The following KIF25 variants were observed in gnomAD, a reference collection of about 807,000 sequenced individuals.
KIF25 encodes kinesin-like protein KIF25.
Under a neutral mutation model 32.9 loss-of-function variants are expected in KIF25, and 19 were observed. The ratio of observed to expected loss-of-function variants is 0.58; its 90% confidence interval spans 0.40 to 0.85. KIF25 has a LOEUF of 0.85. Among genes scored for constraint, KIF25 ranks in the 40% least tolerant of loss-of-function variants. The pLI is 0.00. For missense variants in KIF25, 485 were observed against 507.0 expected (o/e 0.96, Z 0.42); for synonymous variants, 225 against 213.7 (o/e 1.05, Z -0.46).
chr6:168,003,648 GACCTGAGTCT>G lies in KIF25; in HGVS notation c.-215_-206del. 6.6e-6 allele frequency: 1 copy of G among 152,240 alleles called. No homozygotes were observed. The highest frequency in any genetic ancestry group is 1.5e-5 in the Non-Finnish European group (1 of 68,034). The allele number at this position is 152,240 out of a possible 1,614,324, so 9.4% of individuals were successfully genotyped here. On this transcript the variant is annotated 5_prime_UTR_variant, in exon 4 of 13. The change abolishes the stop of an existing upstream ORF in the 5' untranslated region. Coordinates refer to ENST00000643607, the MANE Select transcript of KIF25 (RefSeq NM_030615.4). ...TAGAGAAGCGGCCCATGCTGTTGAT[GACCTGAGTCT>G]ACAAGTTTCCTCACAAATTGTATTC...
At chr6:168,023,803 G>T (rs377427626) in intron 5 of KIF25, among the ~76,000 whole-genome samples, 25 of 152,322 alleles carry the variant, frequency 1.6e-4, no homozygotes, top group African/African-American at 6.0e-4. Context: ...GGAGAGAAAG[G>T]GAGTTGTATC....
At chr6:168,021,508 T>G (rs1192880307) in intron 5 of KIF25, among the ~76,000 whole-genome samples, 1 of 152,262 alleles carries the variant, frequency 6.6e-6, no homozygotes, top group Non-Finnish European at 1.5e-5. Flanking sequence ...CTTTTATATA[T>G]AAAATTTATA....
chr6:168,033,609 A>T (rs73042829), intron 7 of KIF25, among the ~76,000 whole-genome samples: 5,071 of 152,276 alleles, frequency 0.033, 99 homozygotes, highest in Non-Finnish European at 0.049. Flanking sequence ...GGGGAGATGA[A>T]AACACCCAGG....
intron 5 of KIF25, among the ~76,000 whole-genome samples, chr6:168,022,920 C>A (rs749711705): frequency 3.9e-5 from 6 of 151,912 alleles, no homozygotes; most frequent in Non-Finnish European, 7.4e-5. Flanking sequence ...CCTGTGGGCT[C>A]CTTGCATTTG....
intron 6 of KIF25, among the ~76,000 whole-genome samples, 190 bp downstream of exon 6, chr6:168,029,867 A>G (rs1325725452): frequency 7.1e-6 from 1 of 141,398 alleles, no homozygotes; most frequent in African/African-American, 2.5e-5. Context: ...TGCATGTGGA[A>G]CACCTCATAA....
chr6:168,009,681 T>C (rs985938237), intron 4 of KIF25, among the ~76,000 whole-genome samples: 12 of 152,262 alleles, frequency 7.9e-5, no homozygotes, highest in Admixed American at 2.0e-4. Context: ...TGGTCGAATT[T>C]AGTAGTGAAG....
intron 4 of KIF25, among the ~76,000 whole-genome samples, chr6:168,015,861 T>C (rs1355172109): frequency 6.6e-6 from 1 of 152,204 alleles, no homozygotes; most frequent in Non-Finnish European, 1.5e-5. Context: ...AGGCTTGTTT[T>C]TATGGCTTTG....
intron 4 of KIF25, among the ~76,000 whole-genome samples, chr6:168,009,365 C>T (rs1798618063): frequency 6.6e-6 from 1 of 151,728 alleles, no homozygotes; most frequent in Admixed American, 6.6e-5. Context: ...TAGATGTGAC[C>T]CAATTTGTTT....
chr6:168,040,077 C>A lies in KIF25; in HGVS notation c.507C>A (p.Ser169Arg). The A allele has an allele frequency of 1.2e-6, 2 of 1,612,672 alleles. No homozygotes were observed. The highest frequency in any genetic ancestry group is 1.3e-5 in the African/African-American group (1 of 75,018). The change falls in exon 10 of 13, where the codon AGC (serine) becomes AGA (arginine). Residue 169 changes from serine (S) to arginine (R), a missense_variant. Physicochemically the swap from Ser to Arg is moderately radical, Grantham distance 110. Transcript: ENST00000643607. Reference sequence around the variant, plus strand: ...GCCTTGTCTGTAGGGCTGTCGGCAGCGCCTCGAAACTGATGGAGCTCGTTC... The same window carrying A: ...GCCTTGTCTGTAGGGCTGTCGGCAGAGCCTCGAAACTGATGGAGCTCGTTC... ...VALLASEAVG[S>R]ASKLMELVHG...
chr6:168,027,454 C>CAA (rs757678230), intron 5 of KIF25, among the ~76,000 whole-genome samples: 4,144 of 88,362 alleles, frequency 0.047, 197 homozygotes, highest in African/African-American at 0.12. Flanking sequence ...ACTCTGTCTC[C>CAA]AAAAAAAAAA....
At chr6:168,013,314 G>C (rs1002855788) in intron 4 of KIF25, among the ~76,000 whole-genome samples, 1 of 151,862 alleles carries the variant, frequency 6.6e-6, no homozygotes, top group Admixed American at 6.6e-5. Context: ...CAGTGATGGG[G>C]GTTGGTTTCC....
chr6:168,043,696 C>G (rs1799166690), intron 12 of KIF25, among the ~76,000 whole-genome samples: 1 of 152,214 alleles, frequency 6.6e-6, no homozygotes, highest in South Asian at 2.1e-4. Flanking sequence ...GGGCACAGCC[C>G]ACCCGTGATC....
At chr6:168,031,069 TGAGCATATCCACCTG>T (rs1289834493) in intron 7 of KIF25, among the ~76,000 whole-genome samples, 1 of 152,208 alleles carries the variant, frequency 6.6e-6, no homozygotes, top group African/African-American at 2.4e-5. Context: ...GCTTGTTAAA[TGAGCATATCCACCTG>T]GGATTCCAAA....
At chr6:168,021,834 G>A (rs976014027) in intron 5 of KIF25, among the ~76,000 whole-genome samples, 4 of 152,204 alleles carry the variant, frequency 2.6e-5, no homozygotes, top group Non-Finnish European at 5.9e-5. Context: ...ATAGTGCTGG[G>A]ATTTCTTAGC....
At chr6:168,039,922 T>G in intron 9 of KIF25, 143 bp from the exon 10 acceptor site, 1 of 1,030,574 alleles carries the variant, frequency 9.7e-7, no homozygotes, top group Admixed American at 2.7e-5. Context: ...TACCATGATT[T>G]ATTGTGCCTG....
chr6:168,040,285 G>A, intron 10 of KIF25, 69 bp downstream of exon 10: 2 of 1,486,862 alleles, frequency 1.3e-6, no homozygotes, highest in East Asian at 2.4e-5. Context: ...AAAAAATCAG[G>A]CCAGGCACAG....
intron 5 of KIF25, among the ~76,000 whole-genome samples, chr6:168,028,339 C>G (rs1245490484): frequency 6.6e-6 from 1 of 152,082 alleles, no homozygotes; most frequent in African/African-American, 2.4e-5. Flanking sequence ...CGTGAGCCAT[C>G]GTGCCCGGCC....
intron 4 of KIF25, among the ~76,000 whole-genome samples, chr6:168,006,855 T>C (rs905361217): frequency 8.5e-5 from 13 of 152,194 alleles, no homozygotes; most frequent in African/African-American, 3.1e-4. Context: ...CAAAAGGTAG[T>C]TTTAGTTAAC....
chr6:168,009,203 G>T (rs564577831), intron 4 of KIF25, among the ~76,000 whole-genome samples: 1 of 152,048 alleles, frequency 6.6e-6, no homozygotes, highest in African/African-American at 2.4e-5. Context: ...CTGTGGGTTT[G>T]TTATATATTG....
Sources: allele counts gnomAD v4.1 joint callset (sites outside exome capture counted in the v4.1 genomes callset), GRCh38; gene constraint gnomAD v4.1.1; transcripts MANE v1.5; gene names NCBI Gene and HGNC (gene_info 2026-07-23, HGNC 2026-07-21).